The following ADGRG6 variants were observed in gnomAD, a reference collection of about 807,000 sequenced individuals.
ADGRG6 encodes G-protein coupled receptor 126.
In ADGRG6, 84 loss-of-function variants were observed where a neutral mutation model predicts 142.4. That is an observed-to-expected ratio of 0.59 (90% CI 0.49 to 0.71). ADGRG6 has a LOEUF of 0.71. Among genes scored for constraint, ADGRG6 ranks in the 30% least tolerant of loss-of-function variants. The pLI, the probability that ADGRG6 is intolerant of heterozygous loss-of-function variation, is 0.00. For synonymous variants in ADGRG6, 521 were observed against 520.5 expected (o/e 1.00, Z -0.01); for missense variants, 1,367 against 1,466.6 (o/e 0.93, Z 1.11).
intron 22 of ADGRG6, among the ~76,000 whole-genome samples, chr6:142,421,481 C>T (rs923138635): frequency 3.3e-5 from 5 of 152,078 alleles, no homozygotes; most frequent in African/African-American, 1.2e-4. Context: ...AGTGAGTATT[C>T]CTCTATTTAA....
rs116344795 is a variant in ADGRG6, at chr6:142,304,644, A to G, written c.2+2313A>G. ...AATAACTGCTTTTTAAAACCTGACT[A>G]TTTTTCTAATGGCCTATATATCTTA... is the stretch of plus-strand genomic sequence containing the variant. On this transcript the variant is annotated intron_variant, in intron 1 of 24. Transcript: ENST00000367609. Among the ~76,000 whole-genome samples the G allele has an allele frequency of 7.4e-3, 1,125 of 152,228 alleles. 15 individuals carry two copies. Among genetic ancestry groups the G allele is most frequent in the African/African-American group, 0.026 (1,066 of 41,528 alleles).
intron 20 of ADGRG6, 159 bp from the exon 21 acceptor site, chr6:142,417,114 C>T (rs1401449165): frequency 5.9e-6 from 4 of 680,220 alleles, no homozygotes; most frequent in Non-Finnish European, 1.1e-5. Context: ...TTGTTGTTAA[C>T]CAAGTTGCCA....
intron 3 of ADGRG6, 30 bp from the exon 4 acceptor site, chr6:142,370,140 G>T: frequency 2.6e-6 from 4 of 1,562,356 alleles, no homozygotes; most frequent in Non-Finnish European, 3.5e-6. Context: ...AAGTTAACAG[G>T]TTTATCTTTC....
intron 9 of ADGRG6, among the ~76,000 whole-genome samples, chr6:142,397,148 T>C (rs1775239192): frequency 6.6e-6 from 1 of 152,044 alleles, no homozygotes; most frequent in African/African-American, 2.4e-5. Context: ...ATAGTAACAC[T>C]TTTATAGTGT....
chr6:142,399,262 C>T (rs999960403), intron 10 of ADGRG6, among the ~76,000 whole-genome samples: 7 of 152,166 alleles, frequency 4.6e-5, no homozygotes, highest in African/African-American at 1.2e-4. Flanking sequence ...AAGAGGCAGG[C>T]ATCTCCACTT....
chr6:142,317,099 C>T (rs1480762840), intron 2 of ADGRG6, among the ~76,000 whole-genome samples: 1 of 152,060 alleles, frequency 6.6e-6, no homozygotes, highest in Non-Finnish European at 1.5e-5. Flanking sequence ...TCTCTCAGAG[C>T]TTTTGCTAAG....
chr6:142,406,157 T>TAA (rs1196250810), intron 15 of ADGRG6, among the ~76,000 whole-genome samples: 3 of 150,814 alleles, frequency 2.0e-5, no homozygotes, highest in African/African-American at 7.3e-5. Context: ...TTTAGGCCTT[T>TAA]ACAGTTAAAG....
Position 142,370,727 on chromosome 6 carries a change from G to A in ADGRG6, c.1003G>A (p.Asp335Asn), listed in dbSNP as rs373599767. 5.0e-6 allele frequency: 8 copies of A among 1,613,386 alleles called. No homozygotes were observed. Among genetic ancestry groups the A allele is most frequent in the African/African-American group, 4.0e-5 (3 of 74,812 alleles). The change falls in exon 4 of 25, where the codon GAC (aspartate) becomes AAC (asparagine). Residue 335 changes from aspartate to asparagine, a missense_variant. Around this residue, in one of 3 missense-constraint regions of ADGRG6, gnomAD observed 737 missense variants for 746.5 expected, o/e 0.99. Coordinates refer to ENST00000367609, the MANE Select transcript of ADGRG6 (RefSeq NM_198569.3). ...LSCNVKGNVV[D>N]WQNDFWNIPN... Reference sequence around the variant, plus strand: ...CTGTAATGTGAAAGGGAATGTAGTCGACTGGCAAAATGACTTCTGGAATAT... The same window carrying A: ...CTGTAATGTGAAAGGGAATGTAGTCAACTGGCAAAATGACTTCTGGAATAT...
At chr6:142,392,141 C>T (rs1181532863) in intron 7 of ADGRG6, among the ~76,000 whole-genome samples, 1 of 151,680 alleles carries the variant, frequency 6.6e-6, no homozygotes, top group Non-Finnish European at 1.5e-5. Context: ...GCCAGGATTC[C>T]CTAAAACTTA....
At chr6:142,384,363 T>G (rs1781924160) in intron 6 of ADGRG6, among the ~76,000 whole-genome samples, 1 of 152,152 alleles carries the variant, frequency 6.6e-6, no homozygotes, top group Non-Finnish European at 1.5e-5. Context: ...TAATAGAATA[T>G]GATTATATAT....
At chr6:142,381,144 G>A (rs1781751184) in intron 4 of ADGRG6, among the ~76,000 whole-genome samples, 1 of 152,158 alleles carries the variant, frequency 6.6e-6, no homozygotes, top group South Asian at 2.1e-4. Context: ...TGTGCGAGCT[G>A]TGCCTACACA....
At chr6:142,341,506 TA>T (rs1779633948) in intron 2 of ADGRG6, among the ~76,000 whole-genome samples, 4 of 118,644 alleles carry the variant, frequency 3.4e-5, no homozygotes, top group African/African-American at 1.3e-4. Context: ...TTATATAGTA[TA>T]TATACTACAT....
intron 2 of ADGRG6, among the ~76,000 whole-genome samples, chr6:142,339,880 T>G (rs1200356797): frequency 6.6e-6 from 1 of 152,192 alleles, no homozygotes; most frequent in Non-Finnish European, 1.5e-5. Flanking sequence ...TGTTTTGCTC[T>G]TTAACATAAT....
intron 6 of ADGRG6, among the ~76,000 whole-genome samples, chr6:142,388,051 A>G (rs1317002835): frequency 6.6e-6 from 1 of 152,172 alleles, no homozygotes; most frequent in Non-Finnish European, 1.5e-5. Context: ...GTAACATGGA[A>G]AATCCTGCAT....
chr6:142,316,539 A>G (rs1225001711), intron 2 of ADGRG6, among the ~76,000 whole-genome samples: 1 of 152,172 alleles, frequency 6.6e-6, no homozygotes, highest in Non-Finnish European at 1.5e-5. Flanking sequence ...ATACTCTGGC[A>G]ATATTAATCA....
At chr6:142,432,145 C>T (rs1212767727) in intron 22 of ADGRG6, among the ~76,000 whole-genome samples, 3 of 152,084 alleles carry the variant, frequency 2.0e-5, no homozygotes, top group Non-Finnish European at 2.9e-5. Flanking sequence ...GCCCTTGGCT[C>T]TCTGGCTTCA....
chr6:142,436,214 A>G (rs565287491), intron 22 of ADGRG6, among the ~76,000 whole-genome samples: 1 of 152,316 alleles, frequency 6.6e-6, no homozygotes, highest in African/African-American at 2.4e-5. Context: ...ATGTAACCAT[A>G]GAAGAGATGG....
intron 15 of ADGRG6, 64 bp from the exon 16 acceptor site, chr6:142,408,086 G>T: frequency 8.0e-7 from 1 of 1,256,240 alleles, no homozygotes; most frequent in South Asian, 1.6e-5. Context: ...GCTTATTTTG[G>T]AGCACCAAAG....
chr6:142,387,587 TA>T (rs1440088438), intron 6 of ADGRG6, among the ~76,000 whole-genome samples: 1 of 152,190 alleles, frequency 6.6e-6, no homozygotes, highest in Non-Finnish European at 1.5e-5. Flanking sequence ...GTGTCTAGAT[TA>T]GCATTTGGTT....
Sources: gnomAD v4.1 joint callset for allele counts (sites outside exome capture counted in the v4.1 genomes callset) on GRCh38, gnomAD v4.1.1 for gene constraint, gnomAD v4.1.1 regional missense constraint, MANE v1.5 for transcripts, NCBI Gene and HGNC (gene_info 2026-07-23, HGNC 2026-07-21) for gene names.